Variants in LRRC4C observed in about 807,000 individuals in gnomAD.
LRRC4C encodes leucine rich repeat containing 4C.
Under a neutral mutation model 33.6 loss-of-function variants are expected in LRRC4C, and 5 were observed. That is an observed-to-expected ratio of 0.15 (90% CI 0.08 to 0.31). LRRC4C has a LOEUF of 0.31. LRRC4C is among the 10% of genes least tolerant of loss of function. LRRC4C has a pLI of 1.00. For missense variants in LRRC4C, 560 were observed against 796.7 expected (o/e 0.70, Z 3.58); for synonymous variants, 329 against 302.0 (o/e 1.09, Z -0.93).
In LRRC4C at chr11:40,873,795, T is replaced by A. The variant is rs182316406; in HGVS notation, c.-407+59840A>T. 9.8e-5 allele frequency among the ~76,000 whole-genome samples: 15 copies of A among 152,314 alleles called. 1 individual carries two copies. The East Asian group carries it at 2.9e-3, about 29-fold the overall frequency. ...GGGAGAATTCAACACTAAATTCTTT[T>A]AACTTTTCTGCCTTCTTTGACATCG... On this transcript the variant is annotated intron_variant, in intron 2 of 6. Coordinates refer to ENST00000528697, the MANE Select transcript of LRRC4C (RefSeq NM_001258419.2).
intron 1 of LRRC4C, among the ~76,000 whole-genome samples, chr11:40,946,090 C>G (rs1592154957): frequency 2.6e-5 from 4 of 151,974 alleles, no homozygotes; most frequent in Admixed American, 2.0e-4. Context: ...TCTCTCCTGC[C>G]CTCCTCCCTC....
At chr11:41,293,020 A>G (rs565379727) in intron 1 of LRRC4C, among the ~76,000 whole-genome samples, 20 of 152,126 alleles carry the variant, frequency 1.3e-4, no homozygotes, top group Admixed American at 1.2e-3. Flanking sequence ...CAACGATCTA[A>G]GAAGAACTAA....
At chr11:40,962,303 T>A (rs1293901073) in intron 1 of LRRC4C, among the ~76,000 whole-genome samples, 3 of 151,648 alleles carry the variant, frequency 2.0e-5, no homozygotes, top group East Asian at 3.9e-4. Context: ...CCCTTCATCA[T>A]TTAGAAGGAA....
chr11:40,935,062 G>T (rs1957810930), intron 1 of LRRC4C, among the ~76,000 whole-genome samples: 1 of 152,084 alleles, frequency 6.6e-6, no homozygotes, highest in African/African-American at 2.4e-5. Flanking sequence ...TTGACAAACA[G>T]ACTTTTTAAA....
chr11:41,193,078 C>T (rs1946031994), intron 1 of LRRC4C, among the ~76,000 whole-genome samples: 2 of 152,004 alleles, frequency 1.3e-5, no homozygotes, highest in South Asian at 4.1e-4. Flanking sequence ...GAGGACTGCC[C>T]TTATCTATAA....
chr11:40,538,808 G>A (rs544076212), intron 3 of LRRC4C, among the ~76,000 whole-genome samples: 1 of 152,182 alleles, frequency 6.6e-6, no homozygotes, highest in South Asian at 2.1e-4. Flanking sequence ...AGCACCTGTT[G>A]TTTCCTGACT....
At chr11:41,417,032 A>G (rs1438686942) in intron 1 of LRRC4C, among the ~76,000 whole-genome samples, 1 of 152,054 alleles carries the variant, frequency 6.6e-6, no homozygotes, top group East Asian at 1.9e-4. Flanking sequence ...CCAGTAGTGA[A>G]TTAAAATAGA....
intron 1 of LRRC4C, among the ~76,000 whole-genome samples, chr11:41,139,065 G>A (rs1457414583): frequency 6.6e-6 from 1 of 151,850 alleles, no homozygotes; most frequent in Non-Finnish European, 1.5e-5. Context: ...TGGAACAGCT[G>A]CATTTATTAT....
intron 2 of LRRC4C, among the ~76,000 whole-genome samples, chr11:40,861,070 C>T (rs1014480110): frequency 3.3e-5 from 5 of 151,942 alleles, no homozygotes; most frequent in African/African-American, 1.2e-4. Flanking sequence ...GAAGTGAACA[C>T]AAGTTTTTAT....
At chr11:40,538,268 T>A (rs2135366102) in intron 3 of LRRC4C, among the ~76,000 whole-genome samples, 1 of 152,206 alleles carries the variant, frequency 6.6e-6, no homozygotes, top group East Asian at 1.9e-4. Context: ...ATCCTCCTAA[T>A]GCTATCCCTC....
chr11:40,349,734 G>C (rs952348252), intron 3 of LRRC4C, among the ~76,000 whole-genome samples: 3 of 152,040 alleles, frequency 2.0e-5, no homozygotes, highest in Admixed American at 6.6e-5. Flanking sequence ...GCCAGCATTT[G>C]TTATTGCCTG....
intron 2 of LRRC4C, among the ~76,000 whole-genome samples, chr11:40,900,344 C>G (rs1243932734): frequency 6.6e-6 from 1 of 152,004 alleles, no homozygotes; most frequent in Admixed American, 6.6e-5. Flanking sequence ...CCAGGATCAA[C>G]TTGCACTTTA....
At chr11:40,171,474 T>C (rs1327268688) in intron 5 of LRRC4C, among the ~76,000 whole-genome samples, 1 of 152,158 alleles carries the variant, frequency 6.6e-6, no homozygotes, top group African/African-American at 2.4e-5. Flanking sequence ...AATGAGGCAA[T>C]GTATTAAAAT....
intron 3 of LRRC4C, among the ~76,000 whole-genome samples, chr11:40,584,177 C>CATATATATATATATATGTATATATAT (rs1958601356): frequency 2.8e-5 from 2 of 71,282 alleles, no homozygotes; most frequent in Non-Finnish European, 5.3e-5. Flanking sequence ...ACGCACACTT[C>CATATATATATATATATGTATATATAT]ATATATATAT....
chr11:40,481,580 T>G (rs1953567389), intron 3 of LRRC4C, among the ~76,000 whole-genome samples: 3 of 152,154 alleles, frequency 2.0e-5, no homozygotes, highest in Non-Finnish European at 4.4e-5. Context: ...AGTAAACTTT[T>G]TTTTCAATTT....
chr11:40,841,266 T>C (rs114413389), intron 2 of LRRC4C, among the ~76,000 whole-genome samples: 72 of 152,314 alleles, frequency 4.7e-4, no homozygotes, highest in African/African-American at 1.7e-3. Context: ...GTTCAGTTTA[T>C]GTAGTTTCTT....
At chr11:40,908,577 T>G (rs1327987016) in intron 2 of LRRC4C, among the ~76,000 whole-genome samples, 4 of 152,040 alleles carry the variant, frequency 2.6e-5, no homozygotes, top group Non-Finnish European at 5.9e-5. Context: ...GAAGGTTCAT[T>G]TGGAAAAAAT....
chr11:41,297,904 C>T (rs1447181930), intron 1 of LRRC4C, among the ~76,000 whole-genome samples: 2 of 152,176 alleles, frequency 1.3e-5, no homozygotes, highest in Middle Eastern at 3.4e-3. Context: ...TTCACTATTA[C>T]CTTTTAATAT....
At chr11:40,644,723 A>G (rs1014379249) in intron 3 of LRRC4C, among the ~76,000 whole-genome samples, 2 of 152,242 alleles carry the variant, frequency 1.3e-5, no homozygotes, top group Admixed American at 1.3e-4. Context: ...TTACGGAAAT[A>G]GAGAACAGAT....
Sources: allele counts gnomAD v4.1 joint callset (sites outside exome capture counted in the v4.1 genomes callset), GRCh38; gene constraint gnomAD v4.1.1; transcripts MANE v1.5; gene names NCBI Gene and HGNC (gene_info 2026-07-23, HGNC 2026-07-21).